SV2C: variants seen among roughly 807,000 people sequenced by gnomAD.
The protein encoded by SV2C is solute carrier family 22 member B3.
SV2C carries 49 observed loss-of-function variants against 79.7 expected under a neutral mutation model. That is an observed-to-expected ratio of 0.61 (90% CI 0.49 to 0.78). The LOEUF (loss-of-function observed/expected upper bound fraction) is 0.78. SV2C is among the 30% of genes least tolerant of loss of function. The probability of loss-of-function intolerance (pLI) is 0.00; values close to 1 mark genes in which losing one functional copy is unlikely to be tolerated. For missense variants in SV2C, 833 were observed against 912.9 expected, an observed-to-expected ratio of 0.91 and a Z score of 1.13; for synonymous variants, 334 against 333.2, an observed-to-expected ratio of 1.00 and a Z score of -0.03.
chr5:76,029,688 G>T, the SV2C span, among the ~76,000 whole-genome samples: 1 of 152,102 alleles, frequency 6.6e-6, no homozygotes, highest in African/African-American at 2.4e-5. Context: ...TATTCAGCCA[G>T]CATGTGTAAT....
chr5:76,157,096 A>G lies in SV2C; in HGVS notation c.580+24766A>G, dbSNP rs191904381. Among the ~76,000 whole-genome samples the G allele has an allele frequency of 2.2e-3, 331 of 152,238 alleles. 1 individual carries two copies. Among genetic ancestry groups the G allele is most frequent in the Non-Finnish European group, 4.0e-3 (272 of 67,956 alleles). On this transcript the variant is annotated intron_variant, in intron 2 of 12. Transcript: ENST00000502798. ...AAAAAACTCCAAGGAAGATTAGCAA[A>G]CACAAAGAGGTCAGAGACATTATAG...
the SV2C span, among the ~76,000 whole-genome samples, chr5:75,959,204 C>G: frequency 6.6e-6 from 1 of 151,972 alleles, no homozygotes; most frequent in Non-Finnish European, 1.5e-5. Context: ...ACCCTGAGAA[C>G]AAGCATTTAA....
At chr5:76,188,800 G>A (rs889807941) in intron 2 of SV2C, among the ~76,000 whole-genome samples, 1 of 151,904 alleles carries the variant, frequency 6.6e-6, no homozygotes, top group South Asian at 2.1e-4. Flanking sequence ...TTGGGTGGGG[G>A]GCAGGGACAG....
intron 4 of SV2C, among the ~76,000 whole-genome samples, chr5:76,223,250 C>A (rs1356889949): frequency 2.6e-5 from 4 of 151,286 alleles, no homozygotes; most frequent in African/African-American, 9.7e-5. Context: ...CCAGCCTGGG[C>A]AACATATATT....
chr5:76,114,226 G>A (rs1022802294), intron 1 of SV2C, among the ~76,000 whole-genome samples: 3 of 152,114 alleles, frequency 2.0e-5, no homozygotes, highest in Admixed American at 6.5e-5. Context: ...GGGAAACAAC[G>A]AGTACAGCAT....
At chr5:76,190,295 A>G (rs1234874960) in intron 2 of SV2C, among the ~76,000 whole-genome samples, 3 of 152,240 alleles carry the variant, frequency 2.0e-5, no homozygotes, top group Non-Finnish European at 4.4e-5. Context: ...ACAAAAAGGA[A>G]AAGTGTGAAT....
chr5:76,300,795 G>A lies in SV2C; in HGVS notation c.1703G>A (p.Gly568Glu), dbSNP rs1747965580. Reference protein sequence around the residue: ...KNCSFFHNKTGCQITFDDDYS... With the variant: ...KNCSFFHNKTECQITFDDDYS... ...TGCTCGTTTTTTCACAACAAGACGG[G>A]ATGTCAGATTACCTTTGATGATGAC... Residue 568 changes from glycine to glutamate, a missense_variant, in exon 11 of 13, where the codon GGA (glycine) becomes GAA (glutamate). By Grantham distance (98) the Gly-to-Glu change is moderately conservative. Coordinates refer to ENST00000502798, the MANE Select transcript of SV2C (RefSeq NM_014979.4). The A allele has an allele frequency of 6.2e-7, 1 of 1,614,156 alleles. No homozygotes were observed. The highest frequency in any genetic ancestry group is 2.2e-5 in the East Asian group (1 of 44,882).
At chr5:75,898,382 T>G in the SV2C span, among the ~76,000 whole-genome samples, 14 of 152,128 alleles carry the variant, frequency 9.2e-5, no homozygotes, top group African/African-American at 1.9e-4. Flanking sequence ...ATTGATTTGC[T>G]TATATTGAAC....
At chr5:75,937,538 T>TATAA in the SV2C span, among the ~76,000 whole-genome samples, 15 of 151,838 alleles carry the variant, frequency 9.9e-5, no homozygotes, top group Non-Finnish European at 1.2e-4. Flanking sequence ...CCATCTCTAT[T>TATAA]ATAAATAAAT....
At chr5:76,184,871 A>G (rs1457446659) in intron 2 of SV2C, among the ~76,000 whole-genome samples, 3 of 152,206 alleles carry the variant, frequency 2.0e-5, no homozygotes, top group Admixed American at 6.5e-5. Context: ...ATGCCCTTCC[A>G]ACAGTCCCCC....
chr5:76,173,637 G>A (rs1701777075), intron 2 of SV2C: 1 of 1,611,792 alleles, frequency 6.2e-7, no homozygotes, highest in Admixed American at 1.7e-5. Context: ...TATTAAAGCA[G>A]CTGACATGAT....
chr5:76,030,994 A>G, the SV2C span, among the ~76,000 whole-genome samples: 8 of 152,362 alleles, frequency 5.3e-5, no homozygotes, highest in South Asian at 1.7e-3. Flanking sequence ...AATAGAGCAT[A>G]CAATGGATTA....
intron 4 of SV2C, among the ~76,000 whole-genome samples, chr5:76,274,684 CTTTTT>C (rs11415755): frequency 2.1e-5 from 3 of 139,618 alleles, no homozygotes; most frequent in Admixed American, 1.4e-4. Flanking sequence ...TTTTCTCCTT[CTTTTT>C]TTTTTTTTCT....
chr5:76,130,169 A>T (rs1189230648), intron 1 of SV2C, among the ~76,000 whole-genome samples: 1 of 123,070 alleles, frequency 8.1e-6, no homozygotes, highest in Non-Finnish European at 1.9e-5. Context: ...AAAAAAAAAA[A>T]AAAAAAAAAA....
chr5:75,869,994 C>A, the SV2C span, among the ~76,000 whole-genome samples: 1 of 152,124 alleles, frequency 6.6e-6, no homozygotes, highest in Non-Finnish European at 1.5e-5. Context: ...TTACAACACT[C>A]AAGTCCTTTC....
At chr5:76,168,373 G>A (rs1743107134) in intron 2 of SV2C, among the ~76,000 whole-genome samples, 1 of 147,594 alleles carries the variant, frequency 6.8e-6, no homozygotes, top group Non-Finnish European at 1.5e-5. Context: ...CCCCACCCCT[G>A]CCCACCAGGA....
At chr5:76,077,188 A>G in the SV2C span, among the ~76,000 whole-genome samples, 1 of 152,082 alleles carries the variant, frequency 6.6e-6, no homozygotes, top group Non-Finnish European at 1.5e-5. Context: ...AAAAAAAAAC[A>G]AAACCTGCCT....
the SV2C span, among the ~76,000 whole-genome samples, chr5:75,915,605 G>A: frequency 1.3e-5 from 2 of 152,186 alleles, no homozygotes; most frequent in Non-Finnish European, 2.9e-5. Context: ...TATTGAAAGC[G>A]TGAAAATAAA....
intron 1 of SV2C, among the ~76,000 whole-genome samples, chr5:76,103,045 C>T (rs1050601323): frequency 8.5e-5 from 13 of 152,062 alleles, no homozygotes; most frequent in African/African-American, 2.4e-4. Flanking sequence ...TTCCTCTCCC[C>T]ATTCTGTTAG....
Sources: gnomAD v4.1 joint callset for allele counts (sites outside exome capture counted in the v4.1 genomes callset) on GRCh38, gnomAD v4.1.1 for gene constraint, MANE v1.5 for transcripts, NCBI Gene and HGNC (gene_info 2026-07-23, HGNC 2026-07-21) for gene names.